PRKCI: variants seen among roughly 807,000 people sequenced by gnomAD.
The protein encoded by PRKCI is protein kinase C iota type.
A neutral mutation model predicts 84.0 loss-of-function variants in PRKCI; 43 were observed. The ratio of observed to expected loss-of-function variants is 0.51; its 90% CI spans 0.40 to 0.66. The LOEUF is 0.66. Among genes scored for constraint, PRKCI ranks in the 30% least tolerant of loss-of-function variants. The probability of loss-of-function intolerance (pLI) is 0.00; values close to 1 mark genes in which losing one functional copy is unlikely to be tolerated. For synonymous variants in PRKCI, 216 were observed against 234.4 expected, an observed-to-expected ratio of 0.92 and a Z score of 0.72; for missense variants, 459 against 745.6, an observed-to-expected ratio of 0.62 and a Z score of 4.48.
chr3:170,281,887 T>TA lies in PRKCI; in HGVS notation c.986_987insA (p.Phe329LeufsTer24). ...GGTTCTCTCCTGTGTTTTAGATTGT[T>TA]CTTTGTTATAGAGTATGTAAATGGA... On this transcript the variant is annotated frameshift_variant, in exon 11 of 18. Transcript: ENST00000295797. LOFTEE classifies it high-confidence loss of function. 6.3e-7 allele frequency: 1 copy of TA among 1,594,072 alleles called. No individual in the cohort carries two copies. Among genetic ancestry groups the TA allele is most frequent in the Non-Finnish European group, 8.5e-7 (1 of 1,172,014 alleles).
intron 17 of PRKCI, among the ~76,000 whole-genome samples, 172 bp from the exon 18 acceptor site, chr3:170,302,868 T>G (rs985086659): frequency 1.3e-5 from 2 of 152,198 alleles, no homozygotes; most frequent in African/African-American, 4.8e-5. Flanking sequence ...TTTTTAAATT[T>G]TCAGTACTCC....
chr3:170,279,716 G>A (rs1734199676), intron 8 of PRKCI, among the ~76,000 whole-genome samples: 1 of 152,160 alleles, frequency 6.6e-6, no homozygotes, highest in Non-Finnish European at 1.5e-5. Context: ...CTGAATGTGT[G>A]CTCTCACTAG....
At chr3:170,292,493 C>T (rs1244620549) in intron 13 of PRKCI, among the ~76,000 whole-genome samples, 1 of 152,156 alleles carries the variant, frequency 6.6e-6, no homozygotes, top group Admixed American at 6.6e-5. Context: ...GGGTTTTGGC[C>T]CTCTGCCTTC....
intron 5 of PRKCI, among the ~76,000 whole-genome samples, chr3:170,268,595 GT>G (rs1733922377): frequency 6.6e-6 from 1 of 151,914 alleles, no homozygotes; most frequent in Non-Finnish European, 1.5e-5. Context: ...AACAAGCAAG[GT>G]TTATTTATTT....
chr3:170,227,350 A>G (rs2108833416), intron 1 of PRKCI, among the ~76,000 whole-genome samples: 1 of 152,372 alleles, frequency 6.6e-6, no homozygotes, highest in South Asian at 2.1e-4. Context: ...ATGTAGAGGT[A>G]GGTAAGGCTC....
intron 3 of PRKCI, 52 bp downstream of exon 3, chr3:170,260,110 C>T (rs1733686284): frequency 1.7e-6 from 2 of 1,202,020 alleles, no homozygotes; most frequent in Non-Finnish European, 2.4e-6. Context: ...TCTTTGAAAT[C>T]ACTCTTTATT....
Position 170,291,926 on chromosome 3 carries a change from A to C in PRKCI, c.1276A>C (p.Arg426=). The C allele has an allele frequency of 6.3e-7, 1 of 1,594,608 alleles. No individual in the cohort carries two copies. The highest frequency in any genetic ancestry group is 2.2e-5 in the East Asian group (1 of 44,752). Residue 426 remains arginine, a synonymous_variant, in exon 13 of 18, where the codon AGA becomes CGA. Transcript: ENST00000295797. ...TAATTACATTGCTCCTGAAATTTTAAGAGGAGAAGATTATGGTAATAAATA... is the reference window on the plus strand; with the variant it reads ...TAATTACATTGCTCCTGAAATTTTACGAGGAGAAGATTATGGTAATAAATA... ...TPNYIAPEIL[R]GEDYGFSVDW...
At chr3:170,275,432 TTC>T (rs1734092704) in intron 8 of PRKCI, 145 bp downstream of exon 8, 1 of 686,004 alleles carries the variant, frequency 1.5e-6, no homozygotes, top group Non-Finnish European at 2.2e-6. Context: ...CAGAGTTTTA[TTC>T]TGATTTAATT....
chr3:170,282,978 A>C (rs918947557), intron 11 of PRKCI, among the ~76,000 whole-genome samples: 1 of 150,682 alleles, frequency 6.6e-6, no homozygotes, highest in African/African-American at 2.5e-5. Context: ...GGTGGCGGGC[A>C]CCTGTGGTCC....
intron 9 of PRKCI, 47 bp from the exon 10 acceptor site, chr3:170,281,119 A>T (rs765736266): frequency 1.0e-5 from 15 of 1,471,068 alleles, no homozygotes; most frequent in Non-Finnish European, 1.3e-5. Context: ...ATTTATCATT[A>T]ATTGTGATAT....
At chr3:170,249,798 G>GAA (rs569129627) in intron 2 of PRKCI, among the ~76,000 whole-genome samples, 10 of 85,034 alleles carry the variant, frequency 1.2e-4, no homozygotes, top group Admixed American at 3.9e-4. Context: ...CTCTGTCTCA[G>GAA]AAAAAAAAAA....
Position 170,288,212 on chromosome 3 carries a change from T to C in PRKCI, c.1203+3616T>C, listed in dbSNP as rs192681690. ...AGTGACCCGAGATCGCGCCACTGCA[T>C]TCCAGCCTGGGCAACAGAGTGAGAC... On this transcript the variant is annotated intron_variant, in intron 12 of 17. Transcript: ENST00000295797. Among the ~76,000 whole-genome samples the C allele has an allele frequency of 2.5e-3, 373 of 151,832 alleles. 3 individuals carry two copies. Among genetic ancestry groups the C allele is most frequent in the African/African-American group, 8.0e-3 (333 of 41,470 alleles).
chr3:170,269,992 G>A (rs998869131), intron 5 of PRKCI, among the ~76,000 whole-genome samples: 7 of 151,758 alleles, frequency 4.6e-5, no homozygotes, highest in Admixed American at 6.6e-5. Flanking sequence ...AGAAGAAGGC[G>A]GCTTTGAAAT....
Position 170,305,861 on chromosome 3 carries a change from A to G in PRKCI, c.*2734A>G, listed in dbSNP as rs1277111731. 2.0e-5 allele frequency: 3 copies of G among 151,082 alleles called. No individual in the cohort carries two copies. Among genetic ancestry groups the G allele is most frequent in the African/African-American group, 7.3e-5 (3 of 41,150 alleles). 9.4% of individuals were successfully genotyped at this position (151,082 alleles called of 1,614,324 possible). A position where few individuals can be genotyped will look rare whatever the true frequency, so the allele number is the denominator to read the frequency against. ...GTTCAGTGCCGGTACATTTACTTAA[A>G]TCTGTTTTTATTTTTGTCATGTAGA... is the stretch of plus-strand genomic sequence containing the variant. On this transcript the variant is annotated 3_prime_UTR_variant, in exon 18 of 18. Transcript: ENST00000295797.
At chr3:170,265,444 G>A (rs1033527798) in intron 4 of PRKCI, among the ~76,000 whole-genome samples, 1 of 152,154 alleles carries the variant, frequency 6.6e-6, no homozygotes, top group Non-Finnish European at 1.5e-5. Context: ...AATTTAATAT[G>A]CAAACTTATG....
intron 1 of PRKCI, among the ~76,000 whole-genome samples, chr3:170,231,206 C>G (rs1577338853): frequency 6.6e-6 from 1 of 152,074 alleles, no homozygotes; most frequent in East Asian, 1.9e-4. Flanking sequence ...GGTGATCCAT[C>G]TGCCTCGGCC....
At chr3:170,293,276 G>GT (rs1029310568) in intron 13 of PRKCI, 107 bp from the exon 14 acceptor site, 4 of 1,149,126 alleles carry the variant, frequency 3.5e-6, no homozygotes, top group Non-Finnish European at 4.9e-6. Context: ...TGCATTTAGA[G>GT]TTTACTTTTT....
rs759291137 is a variant in PRKCI, at chr3:170,295,903, C to T, written c.1418-8C>T. On this transcript the variant is annotated splice_region_variant and splice_polypyrimidine_tract_variant and intron_variant, in intron 14 of 17. Coordinates refer to ENST00000295797, the MANE Select transcript of PRKCI (RefSeq NM_002740.6). ...TTAAATATAATACTATAATTTTTAT[C>T]TTTCTAGTTATTTTGGAAAAACAAA... 3 of 1,512,192 alleles carry T rather than the reference C, an allele frequency of 2.0e-6. No individual in the cohort carries two copies. The highest frequency in any genetic ancestry group is 1.4e-5 in the African/African-American group (1 of 72,006). 93.7% of individuals were successfully genotyped at this position (1,512,192 alleles called of 1,614,324 possible). A position where few individuals can be genotyped will look rare whatever the true frequency, so the allele number is the denominator to read the frequency against.
intron 2 of PRKCI, among the ~76,000 whole-genome samples, chr3:170,239,000 C>G (rs1256038663): frequency 6.6e-6 from 1 of 152,178 alleles, no homozygotes; most frequent in Non-Finnish European, 1.5e-5. Context: ...TCCCAAAGTG[C>G]TGGGATTACA....
Sources: gnomAD v4.1 joint callset for allele counts (sites outside exome capture counted in the v4.1 genomes callset) on GRCh38, gnomAD v4.1.1 for gene constraint, MANE v1.5 for transcripts, NCBI Gene and HGNC (gene_info 2026-07-23, HGNC 2026-07-21) for gene names.